The following UBLCP1 variants were observed in gnomAD, a reference collection of about 807,000 sequenced individuals.
The protein encoded by UBLCP1 is ubiquitin-like domain-containing CTD phosphatase 1.
UBLCP1 carries 28 observed loss-of-function variants against 42.4 expected under a neutral mutation model. The observed-to-expected ratio is 0.66, with a 90% confidence interval of 0.49 to 0.90. UBLCP1 has a LOEUF of 0.90. UBLCP1 is among the 40% of genes least tolerant of loss of function. The pLI is 0.00. For synonymous variants in UBLCP1, 122 were observed against 120.8 expected (o/e 1.01, Z -0.07); for missense variants, 279 against 374.5 (o/e 0.75, Z 2.10).
At position 159,274,582 on chromosome 5, in the gene UBLCP1, T is replaced by A; in HGVS notation, c.548-3T>A. ...TATTGTATTATCATTCCTCGTGTTT[T>A]AGCTGCAACAAATATGAAGTGGATT... On this transcript the variant is annotated splice_polypyrimidine_tract_variant and splice_region_variant and intron_variant, in intron 6 of 10. Coordinates refer to ENST00000296786, the MANE Select transcript of UBLCP1 (RefSeq NM_145049.5). The A allele has an allele frequency of 2.5e-6, 4 of 1,611,140 alleles. No homozygotes were observed. Among genetic ancestry groups the A allele is most frequent in the Non-Finnish European group, 2.5e-6 (3 of 1,178,414 alleles).
intron 2 of UBLCP1, among the ~76,000 whole-genome samples, chr5:159,269,414 C>T (rs1753437160): frequency 6.6e-6 from 1 of 152,144 alleles, no homozygotes; most frequent in Non-Finnish European, 1.5e-5. Flanking sequence ...ACGAGGGCCT[C>T]GTACTCTTCC....
intron 6 of UBLCP1, among the ~76,000 whole-genome samples, 169 bp downstream of exon 6, chr5:159,272,290 A>G (rs1753477500): frequency 6.6e-6 from 1 of 152,230 alleles, no homozygotes; most frequent in African/African-American, 2.4e-5. Flanking sequence ...TTAAACATAT[A>G]TTGGCCAAAT....
At chr5:159,282,771 AAATTT>A (rs1289360478) in intron 9 of UBLCP1, among the ~76,000 whole-genome samples, 1 of 152,142 alleles carries the variant, frequency 6.6e-6, no homozygotes, top group Non-Finnish European at 1.5e-5. Flanking sequence ...AGCTATATAA[AAATTT>A]AATAGAAAAA....
chr5:159,272,234 AT>A, intron 6 of UBLCP1, 113 bp downstream of exon 6: 1 of 839,748 alleles, frequency 1.2e-6, no homozygotes, highest in Non-Finnish European at 1.8e-6. Context: ...AATAGTTTTC[AT>A]TTTTTAGCAA....
At chr5:159,273,676 A>G (rs1171977684) in intron 6 of UBLCP1, among the ~76,000 whole-genome samples, 1 of 152,098 alleles carries the variant, frequency 6.6e-6, no homozygotes, top group Non-Finnish European at 1.5e-5. Flanking sequence ...ATTTTTTTCT[A>G]TCTTATGATT....
chr5:159,283,625 G>A (rs1471433378), intron 10 of UBLCP1, among the ~76,000 whole-genome samples: 1 of 152,024 alleles, frequency 6.6e-6, no homozygotes, highest in African/African-American at 2.4e-5. Flanking sequence ...AAATTATTTT[G>A]TGATGTTAGG....
At position 159,283,284 on chromosome 5, in the gene UBLCP1, A is replaced by G; in HGVS notation, c.874A>G (p.Lys292Glu). 6.2e-7 allele frequency: 1 copy of G among 1,605,650 alleles called. No individual in the cohort carries two copies. Among genetic ancestry groups the G allele is most frequent in the Non-Finnish European group, 8.5e-7 (1 of 1,176,966 alleles). ...ACTTTTAAAATTAACTCAGTACCTC[A>G]AGGAGATAGCAAAATTAGATGACTT... ...KELLKLTQYL[K>E]EIAKLDDFLD... The change falls in exon 10 of 11, where the codon AAG becomes GAG. Residue 292 changes from lysine (K) to glutamate (E), a missense_variant. Lys to Glu is a moderately conservative substitution (Grantham distance 56). Coordinates refer to ENST00000296786, the MANE Select transcript of UBLCP1 (RefSeq NM_145049.5).
At chr5:159,266,940 T>C (rs1753401629) in intron 1 of UBLCP1, among the ~76,000 whole-genome samples, 1 of 152,156 alleles carries the variant, frequency 6.6e-6, no homozygotes, top group African/African-American at 2.4e-5. Flanking sequence ...CTGGCAAAAG[T>C]TTGCTGCAGG....
At chr5:159,281,996 T>A (rs929917261) in intron 9 of UBLCP1, among the ~76,000 whole-genome samples, 16 of 151,236 alleles carry the variant, frequency 1.1e-4, no homozygotes, top group Admixed American at 2.6e-4. Flanking sequence ...ATATGTATGA[T>A]TTTTTTTTAA....
At chr5:159,263,381 C>CT (rs1753326365) in intron 1 of UBLCP1, 21 bp downstream of exon 1, 1 of 152,286 alleles carries the variant, frequency 6.6e-6, no homozygotes, top group Non-Finnish European at 1.5e-5. Flanking sequence ...GCGGGGCACC[C>CT]TGGCGCGCTG....
chr5:159,273,416 A>G (rs1237320777), intron 6 of UBLCP1, among the ~76,000 whole-genome samples: 2 of 152,162 alleles, frequency 1.3e-5, no homozygotes, highest in African/African-American at 2.4e-5. Flanking sequence ...TAGGATTTTA[A>G]TTCTGGCTCT....
intron 1 of UBLCP1, 120 bp from the exon 2 acceptor site, chr5:159,268,750 C>A: frequency 2.9e-6 from 2 of 681,480 alleles, no homozygotes; most frequent in South Asian, 2.3e-5. Flanking sequence ...CCTGTATGGA[C>A]AAAAATCCTC....
At chr5:159,270,272 T>C (rs1216687674) in intron 3 of UBLCP1, 88 bp from the exon 4 acceptor site, 4 of 1,129,080 alleles carry the variant, frequency 3.5e-6, no homozygotes, top group African/African-American at 1.6e-5. Context: ...GGAACTCAAA[T>C]TGTATCTCTC....
At chr5:159,263,837 C>A (rs780827602) in intron 1 of UBLCP1, among the ~76,000 whole-genome samples, 1 of 152,190 alleles carries the variant, frequency 6.6e-6, no homozygotes, top group Non-Finnish European at 1.5e-5. Flanking sequence ...AGTTAACCTC[C>A]CGTTAATTCC....
intron 9 of UBLCP1, among the ~76,000 whole-genome samples, chr5:159,281,491 T>C (rs1753606012): frequency 6.6e-6 from 1 of 152,190 alleles, no homozygotes; most frequent in Admixed American, 6.5e-5. Context: ...ACAGCACTGC[T>C]GCACTACCTT....
At chr5:159,270,495 G>A (rs1753450381) in intron 4 of UBLCP1, 33 bp from the exon 5 acceptor site, 1 of 1,605,198 alleles carries the variant, frequency 6.2e-7, no homozygotes, top group African/African-American at 1.3e-5. Flanking sequence ...GAGAACAAGT[G>A]AATATTTTAT....
At chr5:159,270,216 G>A (rs536034891) in intron 3 of UBLCP1, 144 bp from the exon 4 acceptor site, 12 of 786,434 alleles carry the variant, frequency 1.5e-5, no homozygotes, top group Admixed American at 9.0e-5. Flanking sequence ...CATACATAAC[G>A]AATTATTAAT....
intron 6 of UBLCP1, among the ~76,000 whole-genome samples, chr5:159,273,693 A>G (rs980244754): frequency 2.0e-5 from 3 of 152,138 alleles, no homozygotes; most frequent in Non-Finnish European, 4.4e-5. Context: ...GATTATTTTC[A>G]TTGGAGATAC....
chr5:159,276,236 T>C (rs1191654523), intron 8 of UBLCP1, among the ~76,000 whole-genome samples: 3 of 152,042 alleles, frequency 2.0e-5, no homozygotes, highest in African/African-American at 7.2e-5. Context: ...TGCAGTGAGC[T>C]AAGATTGAGC....
Sources: allele counts gnomAD v4.1 joint callset (sites outside exome capture counted in the v4.1 genomes callset), GRCh38; gene constraint gnomAD v4.1.1; transcripts MANE v1.5; gene names NCBI Gene and HGNC (gene_info 2026-07-23, HGNC 2026-07-21).